Variants in GALNTL6 observed in about 807,000 individuals in gnomAD.
GALNTL6 encodes the protein polypeptide N-acetylgalactosaminyltransferase-like 6.
Under a neutral mutation model 73.7 loss-of-function variants are expected in GALNTL6, and 46 were observed. That is an observed-to-expected ratio of 0.62 (90% confidence interval 0.49 to 0.80). The LOEUF is 0.80. Among genes scored for constraint, GALNTL6 ranks in the 30% least tolerant of loss-of-function variants. GALNTL6 has a pLI of 0.00. For synonymous variants in GALNTL6, 259 were observed against 263.7 expected, an observed-to-expected ratio of 0.98 and a Z score of 0.17; for missense variants, 604 against 755.0, an observed-to-expected ratio of 0.80 and a Z score of 2.34.
chr4:172,321,173 G>C lies in GALNTL6; in HGVS notation c.386+9421G>C, dbSNP rs529589243. On this transcript the variant is annotated intron_variant, in intron 4 of 12. Transcript: ENST00000506823. The stretch of plus-strand genomic sequence containing the variant: ...GTGCTGGAAAATAATAATAAATATA[G>C]AGTTAGGTACTATCTGCAGTTTTAG... Among the ~76,000 whole-genome samples the C allele has an allele frequency of 2.0e-3, 299 of 152,216 alleles. 3 individuals carry two copies. In the South Asian group the frequency reaches 0.022, roughly 11 times the overall value.
chr4:171,895,916 A>C (rs1736900790), intron 2 of GALNTL6, among the ~76,000 whole-genome samples: 1 of 152,054 alleles, frequency 6.6e-6, no homozygotes, highest in African/African-American at 2.4e-5. Context: ...GTGAAAAAAA[A>C]AACAGAAAAC....
At chr4:171,878,152 TATG>T (rs1412908791) in intron 2 of GALNTL6, among the ~76,000 whole-genome samples, 3 of 152,338 alleles carry the variant, frequency 2.0e-5, no homozygotes, top group Non-Finnish European at 4.4e-5. Context: ...GTTTCTTGGT[TATG>T]ATTTCAAGAT....
chr4:172,809,411 A>G lies in GALNTL6; in HGVS notation c.604A>G (p.Arg202Gly). ...ATACATGGCCCGATTTTCCAAAGTG[A>G]GGATTGTTCGCACCAAGAAAAGAGA... ...EEYMARFSKV[R>G]IVRTKKREGL... The change falls in exon 6 of 13, where the codon AGG becomes GGG. Residue 202 changes from arginine (R) to glycine (G), a missense_variant. Coordinates refer to ENST00000506823, the MANE Select transcript of GALNTL6 (RefSeq NM_001034845.3). The surrounding 1 kb of genome is among the most constrained non-coding windows in gnomAD (Gnocchi z 4.4). 3.1e-6 allele frequency: 5 copies of G among 1,613,984 alleles called. No individual in the cohort carries two copies. The highest frequency in any genetic ancestry group is 4.2e-6 in the Non-Finnish European group (5 of 1,179,894).
At chr4:171,972,682 AG>A (rs2111066753) in intron 2 of GALNTL6, among the ~76,000 whole-genome samples, 1 of 152,248 alleles carries the variant, frequency 6.6e-6, no homozygotes, top group South Asian at 2.1e-4. Context: ...GACTTGAACT[AG>A]CAATGTGAGT....
intron 10 of GALNTL6, among the ~76,000 whole-genome samples, chr4:172,953,353 G>A: frequency 6.6e-6 from 1 of 152,212 alleles, no homozygotes; most frequent in East Asian, 1.9e-4. Context: ...GCTCTTAACA[G>A]AGGATATCGG....
At position 172,860,507 on chromosome 4, in the gene GALNTL6, C is replaced by A. The variant is rs10013285; in HGVS notation, c.924-22283C>A. 2.7e-3 allele frequency among the ~76,000 whole-genome samples: 404 copies of A among 152,170 alleles called. 2 individuals are homozygous for A. Among genetic ancestry groups the A allele is most frequent in the African/African-American group, 9.0e-3 (373 of 41,508 alleles). Reference sequence around the variant, plus strand: ...ATTTATTGAGGTTAAATATCCCCAGCCTTTTACTTAAAAGAAATAACCTCT... The same window carrying A: ...ATTTATTGAGGTTAAATATCCCCAGACTTTTACTTAAAAGAAATAACCTCT... On this transcript the variant is annotated intron_variant, in intron 7 of 12. Transcript: ENST00000506823.
At chr4:172,578,818 T>C (rs1391985057) in intron 5 of GALNTL6, among the ~76,000 whole-genome samples, 2 of 152,234 alleles carry the variant, frequency 1.3e-5, no homozygotes, top group Admixed American at 6.5e-5. Context: ...TGGATGTGGT[T>C]ATTAGATTAG....
intron 5 of GALNTL6, among the ~76,000 whole-genome samples, chr4:172,712,432 T>C (rs530451024): frequency 6.6e-6 from 1 of 152,166 alleles, no homozygotes; most frequent in South Asian, 2.1e-4. Context: ...CCAAATGCTA[T>C]CCCTCCCCAC....
At chr4:172,330,354 G>T (rs543310834) in intron 4 of GALNTL6, among the ~76,000 whole-genome samples, 2 of 152,266 alleles carry the variant, frequency 1.3e-5, no homozygotes, top group South Asian at 4.1e-4. Flanking sequence ...GGGAGGTGTG[G>T]GTCCCCGGAG....
intron 10 of GALNTL6, among the ~76,000 whole-genome samples, chr4:172,993,621 A>T (rs962305795): frequency 1.3e-5 from 2 of 152,200 alleles, no homozygotes; most frequent in Non-Finnish European, 2.9e-5. Flanking sequence ...TTGTGCATGC[A>T]ATGGGGCTAA....
chr4:172,708,104 GCAGTGGCA>G (rs1734469556), intron 5 of GALNTL6, among the ~76,000 whole-genome samples: 1 of 152,170 alleles, frequency 6.6e-6, no homozygotes, highest in African/African-American at 2.4e-5. Flanking sequence ...AGGCTAGAGT[GCAGTGGCA>G]CAATCTCGAC....
intron 2 of GALNTL6, among the ~76,000 whole-genome samples, chr4:172,157,068 A>G (rs1256385678): frequency 2.0e-5 from 3 of 152,126 alleles, no homozygotes; most frequent in Non-Finnish European, 4.4e-5. Flanking sequence ...TTTGATTTTT[A>G]GTTAGTTATT....
intron 5 of GALNTL6, among the ~76,000 whole-genome samples, chr4:172,595,635 GA>G (rs759322772): frequency 3.2e-4 from 49 of 151,986 alleles, no homozygotes; most frequent in Admixed American, 5.9e-4. Flanking sequence ...GTAACAAAGT[GA>G]AATTCACAAA....
At chr4:172,272,598 G>C (rs573624456) in intron 3 of GALNTL6, among the ~76,000 whole-genome samples, 1 of 152,138 alleles carries the variant, frequency 6.6e-6, no homozygotes, top group African/African-American at 2.4e-5. Context: ...CTGTGCAGTA[G>C]GTAGTCCAAA....
intron 10 of GALNTL6, among the ~76,000 whole-genome samples, chr4:172,975,771 A>T (rs1750779095): frequency 6.6e-6 from 1 of 152,160 alleles, no homozygotes; most frequent in South Asian, 2.1e-4. Flanking sequence ...TGTCAGTGCC[A>T]TCCGGAGCAC....
At chr4:171,928,725 C>T (rs987915147) in intron 2 of GALNTL6, among the ~76,000 whole-genome samples, 3 of 152,172 alleles carry the variant, frequency 2.0e-5, no homozygotes, top group Non-Finnish European at 4.4e-5. Flanking sequence ...TTTAGACAGG[C>T]AAATAGCACT....
chr4:172,292,558 G>C (rs919505190), intron 3 of GALNTL6, among the ~76,000 whole-genome samples: 1 of 152,088 alleles, frequency 6.6e-6, no homozygotes, highest in African/African-American at 2.4e-5. Flanking sequence ...AGCCTGATCA[G>C]ATTACATACC....
chr4:173,018,977 T>A (rs1752886304), intron 11 of GALNTL6, among the ~76,000 whole-genome samples: 1 of 152,110 alleles, frequency 6.6e-6, no homozygotes, highest in South Asian at 2.1e-4. Flanking sequence ...AGATGTGTGG[T>A]AACCAAAAAA....
intron 5 of GALNTL6, among the ~76,000 whole-genome samples, chr4:172,687,979 G>T (rs1357537421): frequency 6.6e-6 from 1 of 152,118 alleles, no homozygotes. Flanking sequence ...AGTCATTTTG[G>T]TATTTGATAT....
Sources: allele counts gnomAD v4.1 joint callset (sites outside exome capture counted in the v4.1 genomes callset), GRCh38; gene constraint gnomAD v4.1.1; non-coding constraint Gnocchi (gnomAD v3.1); transcripts MANE v1.5; gene names NCBI Gene and HGNC (gene_info 2026-07-23, HGNC 2026-07-21).